The following HGSNAT variants were observed in gnomAD, a reference collection of about 807,000 sequenced individuals.
HGSNAT encodes transmembrane protein 76.
Under a neutral mutation model 85.2 loss-of-function variants are expected in HGSNAT, and 59 were observed. The ratio of observed to expected loss-of-function variants is 0.69; its 90% CI spans 0.56 to 0.86. The LOEUF (loss-of-function observed/expected upper bound fraction) is 0.86. Among genes scored for constraint, HGSNAT ranks in the 40% least tolerant of loss-of-function variants. HGSNAT has a pLI of 0.00. For synonymous variants in HGSNAT, 321 were observed against 304.5 expected, an observed-to-expected ratio of 1.05 and a Z score of -0.56; for missense variants, 756 against 777.1, an observed-to-expected ratio of 0.97 and a Z score of 0.32.
chr8:43,172,169 G>A, intron 7 of HGSNAT, 141 bp from the exon 8 acceptor site: 4 of 722,678 alleles, frequency 5.5e-6, no homozygotes, highest in Admixed American at 2.0e-5. Flanking sequence ...TGGCCTTGAT[G>A]TCTCATCTTG....
intron 7 of HGSNAT, among the ~76,000 whole-genome samples, chr8:43,172,028 C>T (rs866496612): frequency 6.6e-6 from 1 of 152,136 alleles, no homozygotes; most frequent in Non-Finnish European, 1.5e-5. Context: ...AAATATTTTG[C>T]AATGTTTTCA....
intron 14 of HGSNAT, among the ~76,000 whole-genome samples, chr8:43,195,497 AGAG>A (rs201742479): frequency 0.013 from 1,874 of 143,902 alleles, 29 homozygotes; most frequent in African/African-American, 0.031. Context: ...AGGAGAAGGA[AGAG>A]GAGGAGGAGG....
intron 15 of HGSNAT, chr8:43,197,376 GGTTGACTGTTT>G: frequency 1.9e-6 from 1 of 535,740 alleles, no homozygotes; most frequent in Non-Finnish European, 3.3e-6. Context: ...AGAGTTGCAA[GGTTGACTGTTT>G]GTTCATTTCA....
At chr8:43,181,272 G>A (rs1036273473) in intron 10 of HGSNAT, among the ~76,000 whole-genome samples, 3 of 150,696 alleles carry the variant, frequency 2.0e-5, no homozygotes, top group Admixed American at 6.6e-5. Flanking sequence ...GGCAGTTCAC[G>A]AATCCACCTT....
chr8:43,168,324 A>G (rs1254989415), intron 5 of HGSNAT, among the ~76,000 whole-genome samples: 1 of 136,878 alleles, frequency 7.3e-6, no homozygotes, highest in African/African-American at 2.8e-5. Flanking sequence ...GCACATATGC[A>G]TTTTTGTTTG....
chr8:43,193,246 G>A (rs1297510533), intron 13 of HGSNAT, among the ~76,000 whole-genome samples: 1 of 152,202 alleles, frequency 6.6e-6, no homozygotes, highest in African/African-American at 2.4e-5. Flanking sequence ...CTCTGAGGGT[G>A]TGTGACAGCA....
At chr8:43,151,448 G>A (rs974616470) in intron 2 of HGSNAT, among the ~76,000 whole-genome samples, 5 of 152,168 alleles carry the variant, frequency 3.3e-5, no homozygotes, top group Non-Finnish European at 7.3e-5. Context: ...ACCTCTCCAC[G>A]TGTCAGTGTT....
At chr8:43,184,085 G>T (rs1804226107) in intron 11 of HGSNAT, among the ~76,000 whole-genome samples, 1 of 152,098 alleles carries the variant, frequency 6.6e-6, no homozygotes, top group Non-Finnish European at 1.5e-5. Flanking sequence ...GAATAGTGCT[G>T]CAATAAACAT....
rs371869844 is a variant in HGSNAT, at chr8:43,170,646, G to A, written c.695G>A (p.Arg232His). Reference protein sequence around the residue: ...LDGDVQPATWRLSALPPRLRS... With the variant: ...LDGDVQPATWHLSALPPRLRS... ...GGTGATGTTCAGCCAGCAACGTGGC[G>A]TCTATCTGCCCTGCCGCCCCGCCTC... The change falls in exon 7 of 18, where the codon CGT (arginine) becomes CAT (histidine). Residue 232 changes from arginine (R) to histidine (H), a missense_variant. Transcript: ENST00000379644. 2.7e-5 allele frequency: 44 copies of A among 1,609,570 alleles called. No individual in the cohort carries two copies. Among genetic ancestry groups the A allele is most frequent in the South Asian group, 5.6e-5 (5 of 89,808 alleles).
intron 5 of HGSNAT, among the ~76,000 whole-genome samples, chr8:43,161,983 C>CT (rs1243076822): frequency 6.6e-6 from 1 of 152,254 alleles, no homozygotes; most frequent in Non-Finnish European, 1.5e-5. Context: ...CACGGACTCC[C>CT]TGTCCCTTGG....
At chr8:43,163,590 G>T (rs1803338817) in intron 5 of HGSNAT, among the ~76,000 whole-genome samples, 1 of 150,222 alleles carries the variant, frequency 6.7e-6, no homozygotes, top group African/African-American at 2.5e-5. Flanking sequence ...GCAGTGGTGC[G>T]ATCTCTGCTC....
chr8:43,177,598 T>TA (rs1227356762), intron 9 of HGSNAT, among the ~76,000 whole-genome samples: 2 of 149,400 alleles, frequency 1.3e-5, no homozygotes, highest in African/African-American at 4.9e-5. Context: ...AGTAATTTAG[T>TA]ATGGTCAAAG....
chr8:43,184,730 G>A (rs1325351405), intron 11 of HGSNAT, among the ~76,000 whole-genome samples: 1 of 152,170 alleles, frequency 6.6e-6, no homozygotes, highest in African/African-American at 2.4e-5. Context: ...GTCCTGAATG[G>A]TATTGCCTAG....
chr8:43,182,133 T>C lies in HGSNAT; in HGVS notation c.1013-12T>C. 6.2e-7 allele frequency: 1 copy of C among 1,604,430 alleles called. No individual in the cohort carries two copies. Among genetic ancestry groups the C allele is most frequent in the Non-Finnish European group, 8.5e-7 (1 of 1,171,184 alleles). The stretch of plus-strand genomic sequence containing the variant: ...CCTGGCTAACACTTGACCTAACTTG[T>C]GTCTTTTGCAGTGTCTTGGGACAAG... On this transcript the variant is annotated splice_polypyrimidine_tract_variant and intron_variant, in intron 10 of 17. Coordinates refer to ENST00000379644, the MANE Select transcript of HGSNAT (RefSeq NM_152419.3).
At chr8:43,185,703 C>T (rs1229033458) in intron 11 of HGSNAT, among the ~76,000 whole-genome samples, 3 of 152,170 alleles carry the variant, frequency 2.0e-5, no homozygotes, top group African/African-American at 7.2e-5. Flanking sequence ...AGAGGGCATC[C>T]CTGTCTTGTG....
chr8:43,187,931 G>C (rs1207597001), intron 11 of HGSNAT, among the ~76,000 whole-genome samples: 1 of 152,184 alleles, frequency 6.6e-6, no homozygotes, highest in Non-Finnish European at 1.5e-5. Context: ...TGAAATTCTA[G>C]ACTGAAAATC....
Position 43,197,890 on chromosome 8 carries a change from T to C in HGSNAT, c.1664T>C (p.Leu555Pro), listed in dbSNP as rs768199849. Residue 555 changes from leucine (L) to proline (P), a missense_variant, in exon 17 of 18, where the codon CTG becomes CCG. Coordinates refer to ENST00000379644, the MANE Select transcript of HGSNAT (RefSeq NM_152419.3). Reference sequence around the variant, plus strand: ...AGTTCTTTTGCCTTCTTCATCCTGCTGGTCCTGTACCCAGTTGTGGATGTG... The same window carrying C: ...AGTTCTTTTGCCTTCTTCATCCTGCCGGTCCTGTACCCAGTTGTGGATGTG... ...TLSSFAFFILLVLYPVVDVKG... is the reference protein window; with the variant it reads ...TLSSFAFFILPVLYPVVDVKG... 2 of 1,613,920 alleles carry C rather than the reference T, an allele frequency of 1.2e-6. No individual in the cohort carries two copies. Among genetic ancestry groups the C allele is most frequent in the South Asian group, 2.2e-5 (2 of 91,084 alleles).
rs944773751 is a variant in HGSNAT, at chr8:43,194,355, A to G, written c.1464+512A>G. Reference sequence around the variant, plus strand: ...TGAGGCTGCAGTGAGCCTTGATTGCACCACTGCACTCCTGGCTGGGCAACA... The same window carrying G: ...TGAGGCTGCAGTGAGCCTTGATTGCGCCACTGCACTCCTGGCTGGGCAACA... On this transcript the variant is annotated intron_variant, in intron 14 of 17. Coordinates refer to ENST00000379644, the MANE Select transcript of HGSNAT (RefSeq NM_152419.3). 3.1e-6 allele frequency: 3 copies of G among 969,336 alleles called. No homozygotes were observed. In the African/African-American group the frequency reaches 5.3e-5, roughly 17 times the overall value. The allele number at this position is 969,336 out of a possible 1,614,324, so 60.0% of individuals were successfully genotyped here.
chr8:43,196,085 C>T (rs978332025), intron 14 of HGSNAT: 8 of 262,818 alleles, frequency 3.0e-5, no homozygotes, highest in Admixed American at 1.0e-4. Flanking sequence ...CCTGGAGCCA[C>T]GCTCCCTGGG....
Sources: gnomAD v4.1 joint callset for allele counts (sites outside exome capture counted in the v4.1 genomes callset) on GRCh38, gnomAD v4.1.1 for gene constraint, MANE v1.5 for transcripts, NCBI Gene and HGNC (gene_info 2026-07-23, HGNC 2026-07-21) for gene names.